The following PSD3 variants were observed in gnomAD, a reference collection of about 807,000 sequenced individuals.
The protein encoded by PSD3 is pleckstrin and Sec7 domain containing 3.
PSD3 carries 49 observed loss-of-function variants against 105.5 expected under a neutral mutation model. The observed-to-expected ratio is 0.46, with a 90% CI of 0.37 to 0.59. The LOEUF is 0.59. Ranked by LOEUF, PSD3 falls within the 20% of genes least tolerant of loss-of-function variation. The probability of loss-of-function intolerance (pLI) is 0.00; values close to 1 mark genes in which losing one functional copy is unlikely to be tolerated. For missense variants in PSD3, 1,561 were observed against 1,263.8 expected (o/e 1.24, Z -3.57); for synonymous variants, 557 against 457.8 (o/e 1.22, Z -2.77).
chr8:19,077,955 G>C (rs947106551), intron 1 of PSD3, among the ~76,000 whole-genome samples: 7 of 152,070 alleles, frequency 4.6e-5, no homozygotes, highest in Admixed American at 2.0e-4. Flanking sequence ...ATAGTCATTT[G>C]ATTACCATAC....
intron 10 of PSD3, among the ~76,000 whole-genome samples, chr8:18,634,863 C>G (rs568693767): frequency 1.3e-5 from 2 of 152,272 alleles, no homozygotes; most frequent in South Asian, 2.1e-4. Context: ...GGTTCCTCTA[C>G]AGTAAAGTTA....
intron 14 of PSD3, among the ~76,000 whole-genome samples, chr8:18,565,281 GC>G (rs899523010): frequency 2.0e-5 from 3 of 152,000 alleles, no homozygotes; most frequent in African/African-American, 7.3e-5. Context: ...AACAGGGCCG[GC>G]CATGCATTTC....
intron 10 of PSD3, among the ~76,000 whole-genome samples, chr8:18,646,679 A>C (rs945682380): frequency 2.0e-5 from 3 of 152,162 alleles, no homozygotes; most frequent in African/African-American, 7.2e-5. Context: ...CTAAACTAAT[A>C]GAAAAACTCT....
intron 9 of PSD3, among the ~76,000 whole-genome samples, chr8:18,740,926 G>C (rs955361507): frequency 6.6e-6 from 1 of 152,096 alleles, no homozygotes; most frequent in Non-Finnish European, 1.5e-5. Context: ...CTCTGAGTGT[G>C]GATTAACCTG....
chr8:18,697,337 T>C (rs949344470), intron 9 of PSD3, among the ~76,000 whole-genome samples: 1 of 152,144 alleles, frequency 6.6e-6, no homozygotes, highest in Admixed American at 6.6e-5. Context: ...TCAGTACTTT[T>C]ACCATCCACT....
intron 4 of PSD3, among the ~76,000 whole-genome samples, chr8:18,842,853 G>C (rs1360275074): frequency 6.6e-6 from 1 of 152,160 alleles, no homozygotes; most frequent in Admixed American, 6.5e-5. Context: ...ATTAAATGAA[G>C]CCTCATGCAA....
rs539382074 is a variant in PSD3, at chr8:19,024,490, T to C, written c.324+59716A>G. On this transcript the variant is annotated intron_variant, in intron 1 of 1. Coordinates refer to the PSD3 transcript ENST00000521475. ...TAACTGTGTGGGATAAAACAAAATA[T>C]ATTTGGTCTTTGTCCTGGTTTCTAA... is the stretch of plus-strand genomic sequence containing the variant. Among the ~76,000 whole-genome samples, 15 of 152,284 alleles carry C rather than the reference T, an allele frequency of 9.9e-5. No individual in the cohort carries two copies. In the South Asian group the frequency reaches 3.1e-3, roughly 32 times the overall value.
chr8:18,928,614 T>C (rs1468461122), intron 2 of PSD3, among the ~76,000 whole-genome samples: 1 of 152,220 alleles, frequency 6.6e-6, no homozygotes, highest in African/African-American at 2.4e-5. Context: ...TCTCTAGAGA[T>C]AAAAAGCAAA....
chr8:18,566,157 T>C (rs1281538082), intron 14 of PSD3, among the ~76,000 whole-genome samples: 1 of 152,052 alleles, frequency 6.6e-6, no homozygotes, highest in Non-Finnish European at 1.5e-5. Context: ...TACATATGTG[T>C]TTCTCAAAGC....
At chr8:18,556,623 G>A (rs1801092605) in intron 14 of PSD3, among the ~76,000 whole-genome samples, 1 of 152,110 alleles carries the variant, frequency 6.6e-6, no homozygotes. Context: ...AGGTGTAAAT[G>A]CCCCTGAGTT....
chr8:18,630,249 A>T (rs1806797894), intron 11 of PSD3, among the ~76,000 whole-genome samples: 1 of 151,682 alleles, frequency 6.6e-6, no homozygotes, highest in Non-Finnish European at 1.5e-5. Flanking sequence ...AATTCTCAAG[A>T]CAGTTAACTA....
intron 15 of PSD3, among the ~76,000 whole-genome samples, chr8:18,555,755 A>G (rs1281014889): frequency 6.6e-6 from 1 of 152,200 alleles, no homozygotes; most frequent in African/African-American, 2.4e-5. Flanking sequence ...GCAGTGGGTG[A>G]CAAGAAGAAA....
At chr8:18,782,697 T>C (rs1485350665) in intron 8 of PSD3, among the ~76,000 whole-genome samples, 1 of 152,164 alleles carries the variant, frequency 6.6e-6, no homozygotes. Flanking sequence ...AGTGAATGGG[T>C]CCTCAGGCCC....
In PSD3 at chr8:18,560,752, T is replaced by C. The variant is rs187235151; in HGVS notation, c.2785-4400A>G. Among the ~76,000 whole-genome samples, 277 of 152,286 alleles carry C rather than the reference T, an allele frequency of 1.8e-3. 1 individual carries two copies. Among genetic ancestry groups the C allele is most frequent in the African/African-American group, 6.4e-3 (267 of 41,572 alleles). On this transcript the variant is annotated intron_variant, in intron 14 of 15. Transcript: ENST00000327040. ...ATATAAGGAACTCAAAACAATACAATAGCAAGAAAACAAAGCAATTAAAAA... is the reference window on the plus strand; with the variant it reads ...ATATAAGGAACTCAAAACAATACAACAGCAAGAAAACAAAGCAATTAAAAA...
intron 4 of PSD3, among the ~76,000 whole-genome samples, chr8:18,829,574 TG>T (rs1813514306): frequency 6.6e-6 from 1 of 152,198 alleles, no homozygotes; most frequent in Non-Finnish European, 1.5e-5. Context: ...GTACACTATG[TG>T]GTCTTTGGCT....
chr8:18,809,103 C>T (rs1047918738), intron 4 of PSD3, among the ~76,000 whole-genome samples: 7 of 152,152 alleles, frequency 4.6e-5, no homozygotes, highest in Admixed American at 3.9e-4. Flanking sequence ...GGGATAACAC[C>T]CCATTTTGTT....
Position 18,527,981 on chromosome 8 carries a change from T to G in PSD3, c.*7762A>C, listed in dbSNP as rs1263818600. ...GAAAACTTTGAAGGTAAAGAAATGTTCCACAATGCCAATTAGTTTGAGCCA... is the reference window on the plus strand; with the variant it reads ...GAAAACTTTGAAGGTAAAGAAATGTGCCACAATGCCAATTAGTTTGAGCCA... On this transcript the variant is annotated 3_prime_UTR_variant, in exon 16 of 16. Coordinates refer to ENST00000327040, the MANE Select transcript of PSD3 (RefSeq NM_015310.4). 6.6e-6 allele frequency: 1 copy of G among 152,214 alleles called. No homozygotes were observed. The highest frequency in any genetic ancestry group is 2.4e-5 in the African/African-American group (1 of 41,454). 9.4% of individuals were successfully genotyped at this position (152,214 alleles called of 1,614,324 possible). A position where few individuals can be genotyped will look rare whatever the true frequency, so the allele number is the denominator to read the frequency against.
intron 1 of PSD3, among the ~76,000 whole-genome samples, chr8:18,966,581 A>C (rs1250141175): frequency 6.6e-6 from 1 of 151,676 alleles, no homozygotes; most frequent in African/African-American, 2.4e-5. Flanking sequence ...AAAAAAAAAA[A>C]AAAACCAAAA....
chr8:18,958,822 A>C (rs1586526407), intron 1 of PSD3, among the ~76,000 whole-genome samples: 1 of 152,222 alleles, frequency 6.6e-6, no homozygotes, highest in Non-Finnish European at 1.5e-5. Flanking sequence ...TGCTTAAAGC[A>C]CTATTTTAAA....
Sources: gnomAD v4.1 joint callset for allele counts (sites outside exome capture counted in the v4.1 genomes callset) on GRCh38, gnomAD v4.1.1 for gene constraint, MANE v1.5 for transcripts, NCBI Gene and HGNC (gene_info 2026-07-23, HGNC 2026-07-21) for gene names.